PKP2: variants seen among roughly 807,000 people sequenced by gnomAD.
PKP2 encodes plakophilin-2.
A neutral mutation model predicts 83.4 loss-of-function variants in PKP2; 73 were observed. The ratio of observed to expected loss-of-function variants is 0.88; its 90% confidence interval spans 0.72 to 1.06. PKP2 has a LOEUF of 1.06. PKP2 is among the 50% of genes least tolerant of loss of function. The pLI, the probability that PKP2 is intolerant of heterozygous loss-of-function variation, is 0.00. For synonymous variants in PKP2, 409 were observed against 430.4 expected, an observed-to-expected ratio of 0.95 and a Z score of 0.62; for missense variants, 966 against 1,065.4, an observed-to-expected ratio of 0.91 and a Z score of 1.30.
chr12:32,840,903 TAAAC>T (rs903013653), intron 6 of PKP2, 121 bp downstream of exon 6: 12 of 751,986 alleles, frequency 1.6e-5, no homozygotes, highest in African/African-American at 1.2e-4. Context: ...ATAAATAAAA[TAAAC>T]AAACCATCAA....
intron 4 of PKP2, among the ~76,000 whole-genome samples, chr12:32,852,296 C>G (rs1277982173): frequency 6.6e-6 from 1 of 152,190 alleles, no homozygotes; most frequent in Non-Finnish European, 1.5e-5. Flanking sequence ...CGGAGAGCTG[C>G]ACGCCTGGCC....
At chr12:32,848,937 T>C (rs994483623) in intron 5 of PKP2, among the ~76,000 whole-genome samples, 1 of 151,810 alleles carries the variant, frequency 6.6e-6, no homozygotes, top group African/African-American at 2.4e-5. Flanking sequence ...TCAATTTACT[T>C]TAAAACAATA....
chr12:32,869,035 C>T lies in PKP2; in HGVS notation c.1062G>A (p.Glu354=). 3 of 1,613,994 alleles carry T rather than the reference C, an allele frequency of 1.9e-6. No individual in the cohort carries two copies. The highest frequency in any genetic ancestry group is 2.5e-6 in the Non-Finnish European group (3 of 1,179,998). The change falls in exon 4 of 13, where the codon GAG becomes GAA. Residue 354 remains glutamate, a synonymous_variant. Transcript: ENST00000340811. ...LGNADMEMTL[E]RAVSMLEADH... ...CTGCCTCGAGCATACTCACTGCTCG[C>T]TCCAGAGTCATCTCCATGTCTGCAT... is the stretch of plus-strand genomic sequence containing the variant.
chr12:32,802,065 G>A (rs61927771), intron 10 of PKP2, among the ~76,000 whole-genome samples: 1,577 of 152,246 alleles, frequency 0.01, 13 homozygotes, highest in Middle Eastern at 0.017. Flanking sequence ...CAACTATATG[G>A]ATTAGAAAGA....
intron 7 of PKP2, among the ~76,000 whole-genome samples, 162 bp downstream of exon 7, chr12:32,823,883 G>A (rs1381201902): frequency 6.6e-6 from 1 of 152,210 alleles, no homozygotes; most frequent in Non-Finnish European, 1.5e-5. Context: ...TTACAGGCGT[G>A]AGCCACCATG....
intron 9 of PKP2, among the ~76,000 whole-genome samples, chr12:32,809,237 C>A (rs902654329): frequency 1.3e-5 from 2 of 152,166 alleles, no homozygotes; most frequent in African/African-American, 4.8e-5. Context: ...GAAGGCCCCC[C>A]ACAGGGAGGC....
chr12:32,844,551 A>T (rs1956629695), intron 5 of PKP2, among the ~76,000 whole-genome samples: 1 of 152,218 alleles, frequency 6.6e-6, no homozygotes, highest in African/African-American at 2.4e-5. Flanking sequence ...AGGAGGCAAA[A>T]CCAGAACCGA....
chr12:32,807,083 T>C (rs1956232468), intron 9 of PKP2, among the ~76,000 whole-genome samples: 1 of 152,196 alleles, frequency 6.6e-6, no homozygotes, highest in Non-Finnish European at 1.5e-5. Flanking sequence ...TTTCTTATGA[T>C]TTCGGTTCTT....
chr12:32,797,705 G>C (rs527605160), intron 10 of PKP2, among the ~76,000 whole-genome samples: 1 of 150,470 alleles, frequency 6.6e-6, no homozygotes, highest in Non-Finnish European at 1.5e-5. Context: ...ACAGGTGCCC[G>C]CCACCACGCC....
At chr12:32,795,341 CT>C (rs1287930563) in intron 11 of PKP2, among the ~76,000 whole-genome samples, 2 of 151,612 alleles carry the variant, frequency 1.3e-5, no homozygotes, top group Non-Finnish European at 2.9e-5. Context: ...AGGCTACCCC[CT>C]GACTGCTTCT....
intron 4 of PKP2, among the ~76,000 whole-genome samples, chr12:32,852,819 T>C (rs1011610492): frequency 1.1e-4 from 16 of 152,000 alleles, no homozygotes; most frequent in East Asian, 1.9e-4. Flanking sequence ...CACGGTGGCT[T>C]ATGCCTGTAA....
rs1476013107 is a variant in PKP2 at position 32,875,287 on chromosome 12, A to T, written c.1034+2559T>A. Among the ~76,000 whole-genome samples, 3 of 152,200 alleles carry T rather than the reference A, an allele frequency of 2.0e-5. No homozygotes were observed. In the South Asian group the frequency reaches 6.2e-4, roughly 32 times the overall value. On this transcript the variant is annotated intron_variant, in intron 3 of 12. Coordinates refer to ENST00000340811, the MANE Select transcript of PKP2 (RefSeq NM_001005242.3). ...TAGGTGGTATCTGAGCTAAATCCAG[A>T]ATTATAAGTAGTCAGACAAAAGTAG...
At chr12:32,895,198 T>A (rs985155383) in intron 1 of PKP2, among the ~76,000 whole-genome samples, 3 of 152,058 alleles carry the variant, frequency 2.0e-5, no homozygotes. Flanking sequence ...AATACATATA[T>A]ATATATATAT....
intron 4 of PKP2, among the ~76,000 whole-genome samples, chr12:32,858,065 A>AC (rs1956764491): frequency 3.8e-5 from 1 of 26,616 alleles, no homozygotes. Flanking sequence ...CCATCTCTAC[A>AC]AAAAAAAAAA....
At chr12:32,873,718 C>G (rs139030257) in intron 3 of PKP2, among the ~76,000 whole-genome samples, 1 of 151,870 alleles carries the variant, frequency 6.6e-6, no homozygotes, top group Non-Finnish European at 1.5e-5. Flanking sequence ...TTAGTAGAGA[C>G]GGGTTTTCAC....
chr12:32,868,361 G>A (rs1165355438), intron 4 of PKP2, among the ~76,000 whole-genome samples: 1 of 151,332 alleles, frequency 6.6e-6, no homozygotes, highest in African/African-American at 2.4e-5. Context: ...TTACAGGCAT[G>A]TGCCACCACA....
rs535786871 is a variant in PKP2 at position 32,834,580 on chromosome 12, G to A, written c.1556+6448C>T. ...TTTTTCCCTTCTCTAGTCTGATGGA[G>A]CCCCTACCATTCCTCATGGTCTTAC... On this transcript the variant is annotated intron_variant, in intron 6 of 12. Coordinates refer to ENST00000340811, the MANE Select transcript of PKP2 (RefSeq NM_001005242.3). Among the ~76,000 whole-genome samples, 3 of 152,182 alleles carry A rather than the reference G, an allele frequency of 2.0e-5. No homozygotes were observed. The South Asian group carries it at 6.2e-4, about 32-fold the overall frequency.
At chr12:32,877,534 A>G (rs1956941854) in intron 3 of PKP2, among the ~76,000 whole-genome samples, 1 of 152,124 alleles carries the variant, frequency 6.6e-6, no homozygotes, top group African/African-American at 2.4e-5. Flanking sequence ...TTCTTGGCCT[A>G]CTTTGGAGTT....
chr12:32,869,118 C>A, intron 3 of PKP2, 56 bp from the exon 4 acceptor site: 1 of 1,602,508 alleles, frequency 6.2e-7, no homozygotes, highest in Non-Finnish European at 8.5e-7. Flanking sequence ...TCCTGCCTAC[C>A]AACCTGGTCC....
Sources: allele counts gnomAD v4.1 joint callset (sites outside exome capture counted in the v4.1 genomes callset), GRCh38; gene constraint gnomAD v4.1.1; transcripts MANE v1.5; gene names NCBI Gene and HGNC (gene_info 2026-07-23, HGNC 2026-07-21).